Variants in RUVBL2 observed in about 807,000 individuals in gnomAD.
RUVBL2 encodes RuvB like AAA ATPase 2.
RUVBL2 carries 9 observed loss-of-function variants against 57.9 expected under a neutral mutation model. That is an observed-to-expected ratio of 0.16 (90% CI 0.09 to 0.27). The LOEUF (loss-of-function observed/expected upper bound fraction) is 0.27. RUVBL2 is among the 10% of genes least tolerant of loss of function. RUVBL2 has a pLI of 1.00. For missense variants in RUVBL2, 456 were observed against 669.6 expected (o/e 0.68, Z 3.52); for synonymous variants, 278 against 264.6 (o/e 1.05, Z -0.49).
intron 2 of RUVBL2, 102 bp from the exon 3 acceptor site, chr19:49,003,177 C>T: frequency 1.3e-6 from 1 of 781,112 alleles, no homozygotes. Context: ...CCTACTCCCA[C>T]CCACCCCTTT....
chr19:49,008,150 C>G (rs967273461), intron 6 of RUVBL2, among the ~76,000 whole-genome samples: 24 of 150,362 alleles, frequency 1.6e-4, no homozygotes, highest in Admixed American at 1.4e-3. Flanking sequence ...GGCAATTTTG[C>G]GAGACCTCGG....
intron 6 of RUVBL2, among the ~76,000 whole-genome samples, chr19:49,007,657 C>T (rs2039308363): frequency 6.6e-6 from 1 of 152,040 alleles, no homozygotes; most frequent in African/African-American, 2.4e-5. Flanking sequence ...GTTCCGTGGC[C>T]GAAAGGCATG....
chr19:49,015,052 G>T lies in RUVBL2; in HGVS notation c.1153G>T (p.Asp385Tyr), dbSNP rs2039516976. The change falls in exon 13 of 15, where the codon GAC becomes TAC. Residue 385 changes from aspartate to tyrosine, a missense_variant. By Grantham distance (160) the Asp-to-Tyr change is radical. Around this residue, in one of 5 missense-constraint regions of RUVBL2, gnomAD observed 130 missense variants for 243.0 expected, o/e 0.53. Transcript: ENST00000595090. ...GGAAGAAGATGTGGAGATGAGTGAGGACGCCTACACGGTGCTGACCCGCAT... is the reference window on the plus strand; with the variant it reads ...GGAAGAAGATGTGGAGATGAGTGAGTACGCCTACACGGTGCTGACCCGCAT... ...CEEEDVEMSE[D>Y]AYTVLTRIGL... is the part of the protein sequence containing the mutation. 1.2e-6 allele frequency: 2 copies of T among 1,607,214 alleles called. No individual in the cohort carries two copies. The highest frequency in any genetic ancestry group is 1.7e-5 in the Admixed American group (1 of 59,712).
intron 2 of RUVBL2, among the ~76,000 whole-genome samples, chr19:49,002,670 C>T (rs1021570462): frequency 2.0e-5 from 3 of 152,220 alleles, no homozygotes; most frequent in South Asian, 2.1e-4. Context: ...CTGCAACCTC[C>T]GCCTCCCAGG....
rs368197949 is a variant in RUVBL2, at chr19:49,011,159, G to A, written c.883-33G>A. ...AGGTGGGCCGGGGAAGTGGGGACGC[G>A]GGTGGTGACTCTCACACACACCCCA... On this transcript the variant is annotated intron_variant, in intron 10 of 14. Coordinates refer to ENST00000595090, the MANE Select transcript of RUVBL2 (RefSeq NM_006666.3). This position sits in a 1 kb window ranked among gnomAD's most constrained non-coding sequence, Gnocchi z 4.4. The A allele has an allele frequency of 3.3e-4, 533 of 1,611,256 alleles. 14 individuals carry two copies. Among genetic ancestry groups the A allele is most frequent in the East Asian group, 1.3e-3 (60 of 44,870 alleles).
chr19:49,004,138 A>AAAAT (rs2039237656), intron 3 of RUVBL2, 139 bp from the exon 4 acceptor site: 1 of 1,043,180 alleles, frequency 9.6e-7, no homozygotes, highest in African/African-American at 1.6e-5. Context: ...AAAAAAAAAA[A>AAAAT]AAGCAGGGAA....
At chr19:48,993,965 C>T in intron 1 of RUVBL2, 42 bp downstream of exon 1, 1 of 1,612,592 alleles carries the variant, frequency 6.2e-7, no homozygotes, top group Non-Finnish European at 8.5e-7. Flanking sequence ...AGCTAGCAGT[C>T]TCGAGTTTGA....
chr19:49,014,689 G>A, intron 12 of RUVBL2, 86 bp downstream of exon 12: 2 of 1,527,832 alleles, frequency 1.3e-6, no homozygotes, highest in South Asian at 2.4e-5. Context: ...GTCCAGCGGA[G>A]TGGCATGGTG....
In RUVBL2 at chr19:49,011,654, C is replaced by T. The variant is rs1226109901; in HGVS notation, c.1001+344C>T. On this transcript the variant is annotated intron_variant, in intron 11 of 14. Coordinates refer to ENST00000595090, the MANE Select transcript of RUVBL2 (RefSeq NM_006666.3). This position sits in a 1 kb window ranked among gnomAD's most constrained non-coding sequence, Gnocchi z 4.4. Reference sequence around the variant, plus strand: ...GCACAGTGACATCTGTTAGACATAACATAAACTACGATTGTTCAGTCACTT... The same window carrying T: ...GCACAGTGACATCTGTTAGACATAATATAAACTACGATTGTTCAGTCACTT... 6.6e-6 allele frequency among the ~76,000 whole-genome samples: 1 copy of T among 152,212 alleles called. No homozygotes were observed. Among genetic ancestry groups the T allele is most frequent in the Non-Finnish European group, 1.5e-5 (1 of 68,046 alleles).
At chr19:49,010,467 T>TCGCCCCC in intron 8 of RUVBL2, 21 bp from the exon 9 acceptor site, 4 of 1,401,200 alleles carry the variant, frequency 2.9e-6, no homozygotes, top group African/African-American at 1.5e-5. Context: ...CCGCCGTTCT[T>TCGCCCCC]CCCCCACCCC....
rs972296271 is a variant in RUVBL2 at position 49,011,453 on chromosome 19, G to A, written c.1001+143G>A. The A allele has an allele frequency of 3.0e-6, 2 of 660,014 alleles. No individual in the cohort carries two copies. The highest frequency in any genetic ancestry group is 1.8e-5 in the South Asian group (1 of 54,502). The allele number at this position is 660,014 out of a possible 1,614,324, so 40.9% of individuals were successfully genotyped here. The stretch of plus-strand genomic sequence containing the variant: ...GTGCGCTCTTTGCTTACAAAAGGCG[G>A]GTGGGAGGCAGCTCTGCTTCCCGAG... On this transcript the variant is annotated intron_variant, in intron 11 of 14. Transcript: ENST00000595090. This position sits in a 1 kb window ranked among gnomAD's most constrained non-coding sequence, Gnocchi z 4.4.
At chr19:49,008,008 C>CTTT (rs915809242) in intron 6 of RUVBL2, among the ~76,000 whole-genome samples, 16 of 90,372 alleles carry the variant, frequency 1.8e-4, no homozygotes, top group East Asian at 3.2e-4. Context: ...TACCTGGCCT[C>CTTT]TTTTTTTTTT....
Position 48,999,320 on chromosome 19 carries a change from C to G in RUVBL2, c.14C>G (p.Thr5Arg). ...TGACACATCTTCTTGCACCCCCAGA[C>G]AGCCACAACCAAAGTCCCGGAGATC... MATV[T>R]ATTKVPEIRD... The change falls in exon 2 of 15, where the codon ACA becomes AGA. Residue 5 changes from threonine (T) to arginine (R), a missense_variant and splice_region_variant. Transcript: ENST00000595090. 1 of 1,614,218 alleles carries G rather than the reference C, an allele frequency of 6.2e-7. No individual in the cohort carries two copies. The highest frequency in any genetic ancestry group is 1.7e-5 in the Admixed American group (1 of 60,026).
rs774049361 is a variant in RUVBL2 at position 49,014,564 on chromosome 19, C to A, written c.1082C>A (p.Pro361His). 1.9e-6 allele frequency: 3 copies of A among 1,614,144 alleles called. No homozygotes were observed. The highest frequency in any genetic ancestry group is 2.5e-6 in the Non-Finnish European group (3 of 1,180,014). The change falls in exon 12 of 15, where the codon CCC becomes CAC. Residue 361 changes from proline (P) to histidine (H), a missense_variant. Pro to His is a moderately conservative substitution (Grantham distance 77, BLOSUM62 -2). This residue lies in a region of RUVBL2 where 130 missense variants were observed against 243.0 expected (regional missense o/e 0.53). Coordinates refer to ENST00000595090, the MANE Select transcript of RUVBL2 (RefSeq NM_006666.3). ...LDRLLIVSTT[P>H]YSEKDTKQIL... is the part of the protein sequence containing the mutation. ...CGGCTGCTTATCGTCTCCACCACCC[C>A]CTACAGCGAGAAAGACACGAAGCAG...
chr19:48,994,126 G>A, intron 1 of RUVBL2: 1 of 565,082 alleles, frequency 1.8e-6, no homozygotes, highest in South Asian at 2.1e-5. Flanking sequence ...TCTGAGGCGG[G>A]GAGGGGGCTG....
At chr19:49,013,964 C>A (rs1387624636) in intron 11 of RUVBL2, among the ~76,000 whole-genome samples, 1 of 152,178 alleles carries the variant, frequency 6.6e-6, no homozygotes, top group Admixed American at 6.5e-5. Flanking sequence ...ACGCATAGAC[C>A]CAGATTATAT....
At chr19:49,014,646 G>A (rs1171502449) in intron 12 of RUVBL2, 43 bp downstream of exon 12, 3 of 1,606,680 alleles carry the variant, frequency 1.9e-6, no homozygotes, top group South Asian at 2.2e-5. Context: ...GCAGGGCTGG[G>A]GTCTACCCTG....
intron 1 of RUVBL2, among the ~76,000 whole-genome samples, chr19:48,997,043 T>C (rs1181341956): frequency 6.6e-6 from 1 of 151,958 alleles, no homozygotes; most frequent in African/African-American, 2.4e-5. Flanking sequence ...AGTATACAGC[T>C]CAGTGTTTTC....
intron 13 of RUVBL2, chr19:49,015,359 C>T: frequency 1.4e-6 from 1 of 717,790 alleles, no homozygotes; most frequent in South Asian, 1.8e-5. Context: ...CTGTTAGGTC[C>T]ACCTTACAGA....
Sources: gnomAD v4.1 joint callset for allele counts (sites outside exome capture counted in the v4.1 genomes callset) on GRCh38, gnomAD v4.1.1 for gene constraint, gnomAD v4.1.1 regional missense constraint, Gnocchi (gnomAD v3.1) non-coding constraint, MANE v1.5 for transcripts, NCBI Gene and HGNC (gene_info 2026-07-23, HGNC 2026-07-21) for gene names.